The following OPHN1 variants were observed in gnomAD, a reference collection of about 807,000 sequenced individuals.
The protein encoded by OPHN1 is oligophrenin-1.
In OPHN1, 11 loss-of-function variants were observed where a neutral mutation model predicts 60.7. The observed-to-expected ratio is 0.18, with a 90% CI of 0.11 to 0.30. OPHN1 has a LOEUF of 0.30. Among genes scored for constraint, OPHN1 ranks in the 10% least tolerant of loss-of-function variants. The pLI is 1.00. For missense variants in OPHN1, 449 were observed against 611.0 expected, an observed-to-expected ratio of 0.73 and a Z score of 2.80; for synonymous variants, 226 against 222.6, an observed-to-expected ratio of 1.02 and a Z score of -0.14.
chrX:68,150,803 G>A (rs147844230), intron 15 of OPHN1, among the ~76,000 whole-genome samples: 566 of 111,645 alleles, frequency 5.1e-3, no homozygotes, highest in African/African-American at 0.018. Flanking sequence ...AAATTTGTAC[G>A]GAAGAGTACC....
At chrX:68,058,899 C>T (rs1268029391) in intron 21 of OPHN1, among the ~76,000 whole-genome samples, 1 of 111,927 alleles carries the variant, frequency 8.9e-6, no homozygotes, top group Admixed American at 9.5e-5. Context: ...TTACTGAGTA[C>T]TCTTGATGTG....
In OPHN1 at chrX:68,200,034, G is replaced by C. The variant is rs761699392; in HGVS notation, c.1025+1585C>G. 2.7e-5 allele frequency among the ~76,000 whole-genome samples: 3 copies of C among 112,473 alleles called. No homozygotes were observed. In the East Asian group the frequency reaches 8.4e-4, roughly 32 times the overall value. On this transcript the variant is annotated intron_variant, in intron 11 of 24. Coordinates refer to ENST00000355520, the MANE Select transcript of OPHN1 (RefSeq NM_002547.3). ...TGCACTCCAGCCTGGGCAAGAGAGA[G>C]AGACACCATCTCAAAACAAACAAAA...
rs769254857 is a variant in OPHN1, at chrX:68,350,812, G to C, written c.155-51716C>G. 1.0e-3 allele frequency among the ~76,000 whole-genome samples: 114 copies of C among 110,719 alleles called. 2 individuals carry two copies. Among genetic ancestry groups the C allele is most frequent in the Admixed American group, 5.8e-4 (6 of 10,277 alleles). On this transcript the variant is annotated intron_variant, in intron 2 of 24. Coordinates refer to ENST00000355520, the MANE Select transcript of OPHN1 (RefSeq NM_002547.3). ...TTACAGTTGTGGGCCATTGCACCAG[G>C]TCAAAAAAAGCCTTTAAAATGCCAA...
intron 3 of OPHN1, among the ~76,000 whole-genome samples, chrX:68,285,807 TAGTA>T (rs1172252685): frequency 1.8e-5 from 2 of 110,882 alleles, no homozygotes; most frequent in Non-Finnish European, 3.8e-5. Context: ...GAACCCCCAG[TAGTA>T]AGTTTTTCAT....
At chrX:68,119,826 T>G (rs1741221558) in intron 15 of OPHN1, among the ~76,000 whole-genome samples, 1 of 111,718 alleles carries the variant, frequency 9.0e-6, no homozygotes, top group Admixed American at 9.5e-5. Context: ...TTGTGAGTTT[T>G]ACCTACAAGA....
chrX:68,065,503 G>A (rs1217056302), intron 20 of OPHN1, among the ~76,000 whole-genome samples: 1 of 111,542 alleles, frequency 9.0e-6, no homozygotes, highest in African/African-American at 3.3e-5. Context: ...AGTTCAATAC[G>A]TTTGTTTCCA....
At chrX:68,278,882 T>C (rs1251745614) in intron 4 of OPHN1, among the ~76,000 whole-genome samples, 1 of 110,122 alleles carries the variant, frequency 9.1e-6, no homozygotes, top group Admixed American at 9.7e-5. Flanking sequence ...GGAGACTCCG[T>C]CACAAAAAAT....
chrX:68,062,244 G>A (rs747366549), intron 21 of OPHN1, among the ~76,000 whole-genome samples: 1 of 111,892 alleles, frequency 8.9e-6, no homozygotes, highest in African/African-American at 3.2e-5. Context: ...CTAAGGTAAA[G>A]GCCAGCAAAC....
rs752390289 is a variant in OPHN1 at position 68,112,556 on chromosome X, T to C, written c.1421-597A>G. 6.1e-5 allele frequency: 7 copies of C among 115,626 alleles called. No individual in the cohort carries two copies. The South Asian group carries it at 2.4e-3, about 40-fold the overall frequency. 9.5% of individuals were successfully genotyped at this position (115,626 alleles called of 1,213,427 possible). A position where few individuals can be genotyped will look rare whatever the true frequency, so the allele number is the denominator to read the frequency against. On this transcript the variant is annotated intron_variant, in intron 17 of 24. Transcript: ENST00000355520. Reference sequence around the variant, plus strand: ...TATGATGTTAAGTCCCCTGAATCTTTTTCCTCTACACCACACAGGATATGA... The same window carrying C: ...TATGATGTTAAGTCCCCTGAATCTTCTTCCTCTACACCACACAGGATATGA...
intron 2 of OPHN1, among the ~76,000 whole-genome samples, chrX:68,314,008 T>C (rs2078186281): frequency 9.1e-6 from 1 of 110,491 alleles, no homozygotes; most frequent in Admixed American, 9.7e-5. Flanking sequence ...AAAAATTAAA[T>C]TTTTTTAAAA....
At chrX:68,340,215 C>A (rs923399012) in intron 2 of OPHN1, among the ~76,000 whole-genome samples, 2 of 111,976 alleles carry the variant, frequency 1.8e-5, no homozygotes. Flanking sequence ...ACATGGTGAT[C>A]TGAAATTCAT....
chrX:68,185,449 C>T (rs1397249038), intron 15 of OPHN1, among the ~76,000 whole-genome samples: 1 of 111,840 alleles, frequency 8.9e-6, no homozygotes, highest in Non-Finnish European at 1.9e-5. Flanking sequence ...AATGTCAGAG[C>T]ATGTACTACC....
At chrX:68,266,572 A>T (rs892992219) in intron 5 of OPHN1, among the ~76,000 whole-genome samples, 5 of 111,732 alleles carry the variant, frequency 4.5e-5, no homozygotes, top group Non-Finnish European at 9.4e-5. Context: ...CACTGCAAAA[A>T]CATGCCAAAT....
In OPHN1 at chrX:68,273,406, C is replaced by A. The variant is rs139086398; in HGVS notation, c.384+1332G>T. ...GCTCATGAAACAGACCTACACCTAG[C>A]TGAAAAGATTAAAAATGAAAATTAT... On this transcript the variant is annotated intron_variant, in intron 5 of 24. Transcript: ENST00000355520. Among the ~76,000 whole-genome samples the A allele has an allele frequency of 1.1e-3, 121 of 111,660 alleles. 1 individual carries two copies. The highest frequency in any genetic ancestry group is 3.9e-3 in the African/African-American group (119 of 30,808).
At chrX:68,183,527 T>G (rs1346101613) in intron 15 of OPHN1, among the ~76,000 whole-genome samples, 1 of 112,233 alleles carries the variant, frequency 8.9e-6, no homozygotes, top group Non-Finnish European at 1.9e-5. Context: ...TAGACACTTA[T>G]TGGCCTAGAA....
chrX:68,281,837 G>A (rs1292582517), intron 4 of OPHN1, among the ~76,000 whole-genome samples: 1 of 112,353 alleles, frequency 8.9e-6, no homozygotes, highest in African/African-American at 3.2e-5. Context: ...TGTGATTAGG[G>A]AGTTGCAAAT....
At chrX:68,097,301 A>C (rs2077041667) in intron 18 of OPHN1, among the ~76,000 whole-genome samples, 1 of 111,322 alleles carries the variant, frequency 9.0e-6, no homozygotes, top group Admixed American at 9.6e-5. Context: ...GGAGGGACTA[A>C]AGCTAGTGGG....
intron 5 of OPHN1, among the ~76,000 whole-genome samples, chrX:68,269,628 A>T (rs756029449): frequency 1.8e-4 from 20 of 112,066 alleles, no homozygotes; most frequent in African/African-American, 6.5e-4. Context: ...CTAAAACCAT[A>T]AAAACCCTAG....
chrX:68,258,123 T>A (rs943252366), intron 5 of OPHN1, among the ~76,000 whole-genome samples: 1 of 110,612 alleles, frequency 9.0e-6, no homozygotes, highest in East Asian at 2.9e-4. Flanking sequence ...TAGTGAAGGA[T>A]GGCAAGGGAG....
Sources: gnomAD v4.1 joint callset for allele counts (sites outside exome capture counted in the v4.1 genomes callset) on GRCh38, gnomAD v4.1.1 for gene constraint, MANE v1.5 for transcripts, NCBI Gene and HGNC (gene_info 2026-07-23, HGNC 2026-07-21) for gene names.